The following TTC6 variants were observed in gnomAD, a reference collection of about 807,000 sequenced individuals.
TTC6 encodes the protein tetratricopeptide repeat domain 6.
Under a neutral mutation model 210.4 loss-of-function variants are expected in TTC6, and 172 were observed. The observed-to-expected ratio is 0.82, with a 90% CI of 0.72 to 0.93. The LOEUF (loss-of-function observed/expected upper bound fraction) is 0.93, where lower values mean the gene tolerates loss of function less well. Ranked by LOEUF, TTC6 falls within the 40% of genes least tolerant of loss-of-function variation. The pLI is 0.00. For missense variants in TTC6, 2,414 were observed against 2,318.1 expected (o/e 1.04, Z -0.85); for synonymous variants, 804 against 819.6 (o/e 0.98, Z 0.32).
chr14:37,718,168 T>C (rs1368699248), intron 6 of TTC6, among the ~76,000 whole-genome samples: 1 of 152,232 alleles, frequency 6.6e-6, no homozygotes, highest in African/African-American at 2.4e-5. Flanking sequence ...TAAAAATCCT[T>C]GACAAATGTT....
At chr14:37,820,846 G>A (rs2096153774) in intron 26 of TTC6, among the ~76,000 whole-genome samples, 1 of 151,956 alleles carries the variant, frequency 6.6e-6, no homozygotes, top group African/African-American at 2.4e-5. Flanking sequence ...CACTTGGAAA[G>A]GCAAAGTGGT....
intron 1 of TTC6, among the ~76,000 whole-genome samples, chr14:37,641,208 T>C (rs117577206): frequency 9.3e-4 from 142 of 152,334 alleles, no homozygotes; most frequent in Admixed American, 1.5e-3. Flanking sequence ...GGAAGCTGTT[T>C]ATTTTTTATT....
chr14:37,674,101 C>A (rs2095763850), intron 1 of TTC6, among the ~76,000 whole-genome samples: 1 of 151,806 alleles, frequency 6.6e-6, no homozygotes, highest in Admixed American at 6.6e-5. Context: ...TGATTCAAGT[C>A]AATTTTTATG....
At chr14:37,620,131 CA>C (rs1465589423), upstream of TTC6, among the ~76,000 whole-genome samples, 1 of 152,030 alleles carries the variant, frequency 6.6e-6, no homozygotes, top group Non-Finnish European at 1.5e-5. Flanking sequence ...TAAATAAGGA[CA>C]GGGGCTCTGT....
chr14:37,655,077 T>TA (rs1299459022), intron 1 of TTC6, among the ~76,000 whole-genome samples: 1 of 152,234 alleles, frequency 6.6e-6, no homozygotes, highest in Non-Finnish European at 1.5e-5. Context: ...GCATTATAGT[T>TA]ACTGCCATTG....
chr14:37,648,711 A>G (rs980822592), intron 1 of TTC6, among the ~76,000 whole-genome samples: 1 of 152,154 alleles, frequency 6.6e-6, no homozygotes, highest in African/African-American at 2.4e-5. Flanking sequence ...GTAAAAAATT[A>G]TCTCAGTTTC....
intron 14 of TTC6, among the ~76,000 whole-genome samples, chr14:37,761,649 C>G (rs1278395880): frequency 1.3e-5 from 2 of 152,090 alleles, no homozygotes; most frequent in Non-Finnish European, 2.9e-5. Flanking sequence ...ATTTTAATCA[C>G]TTCCTTATAG....
chr14:37,693,023 C>T (rs2095807271), intron 3 of TTC6, among the ~76,000 whole-genome samples: 1 of 152,096 alleles, frequency 6.6e-6, no homozygotes, highest in African/African-American at 2.4e-5. Context: ...TGTTATTCAA[C>T]ATCATACTGG....
intron 4 of TTC6, among the ~76,000 whole-genome samples, chr14:37,699,723 G>A (rs1303351084): frequency 6.6e-6 from 1 of 152,126 alleles, no homozygotes; most frequent in East Asian, 1.9e-4. Context: ...CTGTGCGGGG[G>A]AGAAACTCAG....
chr14:37,731,675 A>T lies in TTC6; in HGVS notation c.1819-4246A>T, dbSNP rs1332765167. ...AAAACTTTCAGTAACGAACTGAGCT[A>T]CTTTATTTTAGTAAACACTTTTACC... is the stretch of plus-strand genomic sequence containing the variant. On this transcript the variant is annotated intron_variant, in intron 7 of 30. Transcript: ENST00000553443. Among the ~76,000 whole-genome samples, 87 of 152,324 alleles carry T rather than the reference A, an allele frequency of 5.7e-4. 1 individual carries two copies.
intron 24 of TTC6, 137 bp from the exon 27 acceptor site, chr14:37,812,177 A>C: frequency 2.4e-6 from 2 of 847,796 alleles, no homozygotes; most frequent in Middle Eastern, 3.5e-4. Flanking sequence ...CTAACATATG[A>C]TTATTTTGGC....
chr14:37,771,587 T>TG (rs1408093664), intron 14 of TTC6, among the ~76,000 whole-genome samples: 1 of 152,206 alleles, frequency 6.6e-6, no homozygotes, highest in Non-Finnish European at 1.5e-5. Context: ...TTCTTCCAGT[T>TG]GATTGCATTG....
At chr14:37,758,274 A>T (rs2095973894) in intron 14 of TTC6, among the ~76,000 whole-genome samples, 1 of 152,194 alleles carries the variant, frequency 6.6e-6, no homozygotes, top group African/African-American at 2.4e-5. Context: ...AATATTGACA[A>T]TGGAATGATA....
At chr14:37,813,037 T>G (rs2096133193) in intron 25 of TTC6, among the ~76,000 whole-genome samples, 1 of 152,214 alleles carries the variant, frequency 6.6e-6, no homozygotes, top group Non-Finnish European at 1.5e-5. Context: ...ACTCTTGGAT[T>G]AAGAAACAGA....
chr14:37,694,146 A>G (rs1238419896), intron 3 of TTC6, among the ~76,000 whole-genome samples: 1 of 152,194 alleles, frequency 6.6e-6, no homozygotes, highest in Non-Finnish European at 1.5e-5. Flanking sequence ...ACACCAAAGG[A>G]TACAATCAGT....
chr14:37,759,851 G>A (rs1285467053), intron 14 of TTC6, among the ~76,000 whole-genome samples: 1 of 152,092 alleles, frequency 6.6e-6, no homozygotes, highest in African/African-American at 2.4e-5. Context: ...AGCTCCATCA[G>A]GTCATTTATC....
chr14:37,792,899 G>A (rs1459996221), intron 17 of TTC6, among the ~76,000 whole-genome samples: 1 of 150,854 alleles, frequency 6.6e-6, no homozygotes, highest in Non-Finnish European at 1.5e-5. Context: ...TTTTAATTTT[G>A]TTTAAGTTTT....
rs1351889791 is a variant in TTC6, at chr14:37,672,231, GACCCAGA to G, written c.940-7913_940-7907del. Reference sequence around the variant, plus strand: ...TGCATTTCCCCTCCCTCCATCCCTTGACCCAGAACCCAGCTCTTCTTCACATTTATTT... The same window carrying G: ...TGCATTTCCCCTCCCTCCATCCCTTGACCCAGCTCTTCTTCACATTTATTT... On this transcript the variant is annotated intron_variant, in intron 1 of 30. Coordinates refer to ENST00000553443, the Ensembl canonical transcript of TTC6. Among the ~76,000 whole-genome samples the G allele has an allele frequency of 4.6e-5, 7 of 151,980 alleles. No homozygotes were observed. In the East Asian group the frequency reaches 7.7e-4, roughly 17 times the overall value.
chr14:37,842,048 C>T, intron 30 of TTC6, 107 bp from the exon 33 acceptor site: 4 of 947,646 alleles, frequency 4.2e-6, no homozygotes, highest in Middle Eastern at 3.6e-4. Flanking sequence ...TGATTTCATC[C>T]ATTGAGTTAA....
Sources: gnomAD v4.1 joint callset for allele counts (sites outside exome capture counted in the v4.1 genomes callset) on GRCh38, gnomAD v4.1.1 for gene constraint, MANE v1.5 for transcripts, NCBI Gene and HGNC (gene_info 2026-07-23, HGNC 2026-07-21) for gene names.